Variants in COL5A1 observed in about 807,000 individuals in gnomAD.
The protein encoded by COL5A1 is collagen alpha-1(V) chain.
COL5A1 carries 16 observed loss-of-function variants against 263.7 expected under a neutral mutation model. The ratio of observed to expected loss-of-function variants is 0.06; its 90% confidence interval spans 0.04 to 0.09. COL5A1 has a LOEUF of 0.09. COL5A1 is among the 10% of genes least tolerant of loss of function. COL5A1 has a pLI of 1.00. For synonymous variants in COL5A1, 1,012 were observed against 1,004.5 expected (o/e 1.01, Z -0.14); for missense variants, 2,036 against 2,540.5 (o/e 0.80, Z 4.27).
chr9:134,702,615 A>C (rs922802849), intron 4 of COL5A1, among the ~76,000 whole-genome samples: 1 of 152,196 alleles, frequency 6.6e-6, no homozygotes, highest in African/African-American at 2.4e-5. Context: ...GCTCGTGGGG[A>C]CGGGCACGGT....
chr9:134,658,714 G>A (rs371617489), intron 1 of COL5A1, among the ~76,000 whole-genome samples: 1 of 152,166 alleles, frequency 6.6e-6, no homozygotes, highest in Admixed American at 6.5e-5. Flanking sequence ...GGAGGGTGGC[G>A]GGGGGTGGGG....
intron 1 of COL5A1, among the ~76,000 whole-genome samples, chr9:134,685,676 C>T (rs1424139017): frequency 1.7e-3 from 251 of 147,030 alleles, no homozygotes; most frequent in African/African-American, 5.9e-3. Flanking sequence ...ACCATCCATC[C>T]ACCATCCATC....
At chr9:134,662,738 G>A (rs1311535696) in intron 1 of COL5A1, among the ~76,000 whole-genome samples, 2 of 152,212 alleles carry the variant, frequency 1.3e-5, no homozygotes, top group African/African-American at 4.8e-5. Flanking sequence ...TGGGGACATG[G>A]ACGGCTGCCA....
intron 1 of COL5A1, among the ~76,000 whole-genome samples, chr9:134,645,049 C>T (rs1160787969): frequency 2.6e-5 from 4 of 152,176 alleles, no homozygotes; most frequent in South Asian, 2.1e-4. Context: ...AAGCCCTCTC[C>T]CTGCTGTGGT....
At chr9:134,788,539 G>A (rs532928137) in intron 31 of COL5A1, among the ~76,000 whole-genome samples, 3 of 151,400 alleles carry the variant, frequency 2.0e-5, no homozygotes, top group Admixed American at 1.3e-4. Flanking sequence ...TGAATGGAGG[G>A]GTGGGTGGAT....
rs1185913321 is a variant in COL5A1, at chr9:134,762,639, G to A, written c.1989+661G>A. 3.3e-5 allele frequency among the ~76,000 whole-genome samples: 5 copies of A among 152,338 alleles called. No homozygotes were observed. In the East Asian group the frequency reaches 7.7e-4, roughly 24 times the overall value. The stretch of plus-strand genomic sequence containing the variant: ...TTCCAAGCTCTTCCCTGCAGGCACC[G>A]CAGTCACTCAGACGCCTTCTTTGTA... On this transcript the variant is annotated intron_variant, in intron 19 of 65. Transcript: ENST00000371817.
intron 4 of COL5A1, among the ~76,000 whole-genome samples, chr9:134,722,409 A>G (rs1834496203): frequency 6.6e-6 from 1 of 152,188 alleles, no homozygotes; most frequent in African/African-American, 2.4e-5. Flanking sequence ...GTGTGCCCAC[A>G]AGCACTGAGA....
chr9:134,691,196 C>T, intron 2 of COL5A1, 117 bp downstream of exon 2: 1 of 1,332,846 alleles, frequency 7.5e-7, no homozygotes, highest in Non-Finnish European at 1.1e-6. Context: ...TCCAGGAAGC[C>T]CCTCTCACGA....
intron 1 of COL5A1, among the ~76,000 whole-genome samples, chr9:134,645,094 T>C (rs1367629323): frequency 1.3e-5 from 2 of 152,146 alleles, no homozygotes; most frequent in African/African-American, 4.8e-5. Flanking sequence ...TTTTGGTTGC[T>C]ACCCAGGGCT....
chr9:134,709,297 G>C, intron 4 of COL5A1: 1 of 217,182 alleles, frequency 4.6e-6, no homozygotes, highest in Non-Finnish European at 8.5e-6. Context: ...GCTGAGCTGT[G>C]CCTGGCTGAG....
intron 37 of COL5A1, among the ~76,000 whole-genome samples, chr9:134,801,285 C>T (rs544451343): frequency 1.3e-5 from 2 of 152,370 alleles, no homozygotes; most frequent in Admixed American, 6.5e-5. Context: ...AGTCACCCGT[C>T]GTGCATCAGA....
intron 1 of COL5A1, among the ~76,000 whole-genome samples, chr9:134,683,215 A>G (rs986371459): frequency 6.6e-6 from 1 of 152,204 alleles, no homozygotes; most frequent in African/African-American, 2.4e-5. Flanking sequence ...TGCTGAGGCT[A>G]CAGGTCCCCT....
intron 1 of COL5A1, among the ~76,000 whole-genome samples, chr9:134,674,988 T>C (rs1177545761): frequency 6.6e-6 from 1 of 152,224 alleles, no homozygotes; most frequent in Non-Finnish European, 1.5e-5. Context: ...TATTCCCTTA[T>C]TAATACTAAT....
intron 1 of COL5A1, among the ~76,000 whole-genome samples, chr9:134,683,166 G>A (rs533665261): frequency 4.6e-5 from 7 of 152,158 alleles, no homozygotes; most frequent in Non-Finnish European, 8.8e-5. Flanking sequence ...AAAGTAGAAC[G>A]GCTGTAAGGT....
intron 4 of COL5A1, among the ~76,000 whole-genome samples, chr9:134,724,561 G>T (rs1281099927): frequency 6.6e-6 from 1 of 152,248 alleles, no homozygotes; most frequent in Non-Finnish European, 1.5e-5. Context: ...GCTGTGGCCA[G>T]ACCCTCGCAC....
At chr9:134,736,130 C>A (rs922242156) in intron 9 of COL5A1, among the ~76,000 whole-genome samples, 1 of 152,270 alleles carries the variant, frequency 6.6e-6, no homozygotes, top group Non-Finnish European at 1.5e-5. Flanking sequence ...GTACCCAGCA[C>A]CTCTGGCAGC....
chr9:134,718,621 G>C (rs1834350428), intron 4 of COL5A1, among the ~76,000 whole-genome samples: 1 of 152,344 alleles, frequency 6.6e-6, no homozygotes, highest in East Asian at 1.9e-4. Flanking sequence ...CTGTGTGGGT[G>C]ATGGGACAAA....
intron 1 of COL5A1, among the ~76,000 whole-genome samples, chr9:134,664,171 G>GA (rs920967390): frequency 1.3e-5 from 2 of 152,064 alleles, no homozygotes; most frequent in African/African-American, 4.8e-5. Context: ...ATCCGTCTGG[G>GA]AAAAAAAGAT....
At chr9:134,690,508 C>T (rs970705714) in intron 1 of COL5A1, among the ~76,000 whole-genome samples, 1 of 152,226 alleles carries the variant, frequency 6.6e-6, no homozygotes, top group Admixed American at 6.5e-5. Flanking sequence ...GCTCTCCTTA[C>T]GTGGCCAATG....
Sources: allele counts gnomAD v4.1 joint callset (sites outside exome capture counted in the v4.1 genomes callset), GRCh38; gene constraint gnomAD v4.1.1; transcripts MANE v1.5; gene names NCBI Gene and HGNC (gene_info 2026-07-23, HGNC 2026-07-21).